ZPBP: variants seen among roughly 807,000 people sequenced by gnomAD.
ZPBP encodes the protein zona pellucida-binding protein 1.
In ZPBP, 26 loss-of-function variants were observed where a neutral mutation model predicts 44.8. That is an observed-to-expected ratio of 0.58 (90% CI 0.43 to 0.81). The LOEUF (loss-of-function observed/expected upper bound fraction) is 0.81, where lower values mean the gene tolerates loss of function less well. Among genes scored for constraint, ZPBP ranks in the 30% least tolerant of loss-of-function variants. The pLI is 0.00. For missense variants in ZPBP, 409 were observed against 434.0 expected (o/e 0.94, Z 0.51); for synonymous variants, 174 against 153.2 (o/e 1.14, Z -1.00).
intron 7 of ZPBP, among the ~76,000 whole-genome samples, chr7:49,957,730 C>T (rs1795673122): frequency 6.6e-6 from 1 of 152,260 alleles, no homozygotes; most frequent in Middle Eastern, 3.4e-3. Context: ...CAGAGAGCCT[C>T]TACTGTGGTA....
At chr7:49,867,839 TATTTTA>T (rs1790972137) in intron 2 of ZPBP, among the ~76,000 whole-genome samples, 2 of 81,274 alleles carry the variant, frequency 2.5e-5, no homozygotes, top group South Asian at 6.6e-4. Flanking sequence ...TTTATTATTT[TATTTTA>T]TTTTTTGAGG....
chr7:49,981,389 T>G (rs1238210678), intron 7 of ZPBP, among the ~76,000 whole-genome samples: 12 of 17,720 alleles, frequency 6.8e-4, no homozygotes. Context: ...TATATAATTA[T>G]ATATATTATA....
At chr7:50,037,285 G>A (rs1236861703) in intron 4 of ZPBP, among the ~76,000 whole-genome samples, 1 of 152,156 alleles carries the variant, frequency 6.6e-6, no homozygotes, top group Non-Finnish European at 1.5e-5. Context: ...TTTGGAAATT[G>A]TCCTAAGGGC....
At chr7:50,087,074 A>G (rs1293439491) in intron 2 of ZPBP, among the ~76,000 whole-genome samples, 1 of 152,066 alleles carries the variant, frequency 6.6e-6, no homozygotes, top group African/African-American at 2.4e-5. Flanking sequence ...CCCAAAAGGA[A>G]AAGTCCAGCA....
At chr7:50,051,162 G>C (rs929777045) in intron 4 of ZPBP, among the ~76,000 whole-genome samples, 2 of 151,864 alleles carry the variant, frequency 1.3e-5, no homozygotes, top group African/African-American at 2.4e-5. Context: ...GATATTCATG[G>C]GGCAAACAAA....
intron 7 of ZPBP, among the ~76,000 whole-genome samples, chr7:49,981,712 T>C (rs1220848154): frequency 2.1e-5 from 2 of 96,684 alleles, no homozygotes; most frequent in Non-Finnish European, 3.6e-5. Flanking sequence ...TATAATATAT[T>C]ATATATAATA....
At chr7:49,911,948 T>A (rs7792519) in intron 1 of ZPBP, 12 of 494,768 alleles carry the variant, frequency 2.4e-5, no homozygotes, top group Non-Finnish European at 3.4e-5. Flanking sequence ...CACACACACA[T>A]ATATATACTG....
intron 7 of ZPBP, among the ~76,000 whole-genome samples, chr7:49,974,951 G>A (rs1366199535): frequency 4.0e-5 from 3 of 75,792 alleles, no homozygotes; most frequent in Non-Finnish European, 5.8e-5. Context: ...GGAGTGACTG[G>A]CTCCACAGCC....
At chr7:49,875,794 C>A (rs1253113025) in intron 2 of ZPBP, among the ~76,000 whole-genome samples, 1 of 152,098 alleles carries the variant, frequency 6.6e-6, no homozygotes, top group Non-Finnish European at 1.5e-5. Context: ...CAAAAAGTAA[C>A]CATTTATTGT....
At chr7:49,881,348 T>A (rs543325439) in intron 2 of ZPBP, among the ~76,000 whole-genome samples, 22 of 152,270 alleles carry the variant, frequency 1.4e-4, no homozygotes, top group Admixed American at 3.3e-4. Flanking sequence ...TTGTGGAACT[T>A]GAGAAATTCA....
At chr7:49,948,327 T>C (rs554239802) in intron 7 of ZPBP, among the ~76,000 whole-genome samples, 1 of 152,210 alleles carries the variant, frequency 6.6e-6, no homozygotes, top group Non-Finnish European at 1.5e-5. Flanking sequence ...GCCTTCTCCC[T>C]GTTTTGATTT....
chr7:50,016,535 C>T (rs1049101959), intron 6 of ZPBP, among the ~76,000 whole-genome samples: 4 of 151,906 alleles, frequency 2.6e-5, no homozygotes, highest in South Asian at 2.1e-4. Flanking sequence ...TGCACATGTA[C>T]CCCCTGAATG....
At chr7:50,055,006 G>A (rs1800864403) in intron 4 of ZPBP, among the ~76,000 whole-genome samples, 1 of 152,208 alleles carries the variant, frequency 6.6e-6, no homozygotes, top group East Asian at 1.9e-4. Context: ...TAGAAACTGA[G>A]GTTCTCATCT....
chr7:49,941,099 A>G (rs747313948), intron 7 of ZPBP, among the ~76,000 whole-genome samples: 3 of 152,206 alleles, frequency 2.0e-5, no homozygotes, highest in Non-Finnish European at 2.9e-5. Flanking sequence ...CTACAATGAG[A>G]TATCAGCTCA....
intron 6 of ZPBP, among the ~76,000 whole-genome samples, chr7:50,015,605 A>G (rs1798785415): frequency 6.6e-6 from 1 of 152,170 alleles, no homozygotes; most frequent in Admixed American, 6.6e-5. Flanking sequence ...AGAAACTATC[A>G]ACACAGTAAA....
chr7:50,074,448 T>C (rs952782262), intron 3 of ZPBP, among the ~76,000 whole-genome samples: 3 of 151,810 alleles, frequency 2.0e-5, no homozygotes, highest in Non-Finnish European at 2.9e-5. Flanking sequence ...TAAGTGTAAA[T>C]TGACTAAATT....
chr7:49,941,677 G>A (rs931341974), intron 7 of ZPBP, among the ~76,000 whole-genome samples: 14 of 152,022 alleles, frequency 9.2e-5, no homozygotes, highest in African/African-American at 3.1e-4. Flanking sequence ...ATGTTCATGG[G>A]TTGGAACACA....
In ZPBP at chr7:50,031,154, T is replaced by G; in HGVS notation, c.644A>C (p.Glu215Ala). 3 of 1,613,802 alleles carry G rather than the reference T, an allele frequency of 1.9e-6. No individual in the cohort carries two copies. The highest frequency in any genetic ancestry group is 1.7e-6 in the Non-Finnish European group (2 of 1,179,832). The change falls in exon 5 of 8, where the codon GAA (glutamate) becomes GCA (alanine). Residue 215 changes from glutamate to alanine, a missense_variant. Physicochemically the swap from Glu to Ala is moderately radical, Grantham distance 107. This residue lies in a region of ZPBP where 367 missense variants were observed against 363.1 expected (regional missense o/e 1.01). Coordinates refer to ENST00000046087, the MANE Select transcript of ZPBP (RefSeq NM_007009.3). The part of the protein sequence containing the change: ...LSCEISLLKS[E>A]CHRVKMQRAG... ...TCTTTGCATTTTAACGCGATGGCAT[T>G]CAGACTTAAGTAAGGAAATTTCACA...
chr7:49,895,331 T>C (rs925312836), intron 2 of ZPBP, among the ~76,000 whole-genome samples: 1 of 152,158 alleles, frequency 6.6e-6, no homozygotes, highest in African/African-American at 2.4e-5. Flanking sequence ...CTTAATACTA[T>C]CACATTGTTG....
Sources: allele counts gnomAD v4.1 joint callset (sites outside exome capture counted in the v4.1 genomes callset), GRCh38; gene constraint gnomAD v4.1.1; regional missense constraint gnomAD v4.1.1; transcripts MANE v1.5; gene names NCBI Gene and HGNC (gene_info 2026-07-23, HGNC 2026-07-21).